Variants in KLHL13 observed in about 807,000 individuals in gnomAD.
The protein encoded by KLHL13 is kelch like family member 13, also known as kelch-like protein 13.
Under a neutral mutation model 37.1 loss-of-function variants are expected in KLHL13, and 10 were observed. That is an observed-to-expected ratio of 0.27 (90% CI 0.17 to 0.46). The LOEUF is 0.46. Among genes scored for constraint, KLHL13 ranks in the 20% least tolerant of loss-of-function variants. The pLI is 1.00. For synonymous variants in KLHL13, 163 were observed against 181.2 expected (o/e 0.90, Z 0.81); for missense variants, 360 against 509.3 (o/e 0.71, Z 2.82).
intron 1 of KLHL13, among the ~76,000 whole-genome samples, chrX:118,027,981 T>C (rs1056195465): frequency 8.9e-6 from 1 of 112,121 alleles, no homozygotes; most frequent in African/African-American, 3.2e-5. Flanking sequence ...GAAGAAGCTT[T>C]AAATATCTCA....
intron 1 of KLHL13, among the ~76,000 whole-genome samples, chrX:118,088,671 C>T (rs1179118186): frequency 8.9e-6 from 1 of 111,849 alleles, no homozygotes; most frequent in Non-Finnish European, 1.9e-5. Context: ...GGAATAGTTT[C>T]TGGTTTCAAG....
intron 2 of KLHL13, among the ~76,000 whole-genome samples, chrX:117,940,322 C>T (rs1309841782): frequency 9.0e-6 from 1 of 111,458 alleles, no homozygotes; most frequent in Non-Finnish European, 1.9e-5. Context: ...GGTACCAGTA[C>T]CATGCTGTTT....
chrX:118,061,180 T>G (rs1178519790), intron 1 of KLHL13, among the ~76,000 whole-genome samples: 1 of 111,632 alleles, frequency 9.0e-6, no homozygotes, highest in Non-Finnish European at 1.9e-5. Flanking sequence ...TTTGTGGAGG[T>G]TGTTTTTTAA....
intron 2 of KLHL13, among the ~76,000 whole-genome samples, chrX:117,930,264 G>A (rs902904894): frequency 1.1e-5 from 1 of 94,130 alleles, no homozygotes; most frequent in African/African-American, 4.2e-5. Flanking sequence ...AAGGAAGGAA[G>A]GAAGGAAGGA....
intron 1 of KLHL13, among the ~76,000 whole-genome samples, chrX:118,024,477 T>C (rs1026060941): frequency 8.9e-6 from 1 of 111,874 alleles, no homozygotes; most frequent in African/African-American, 3.2e-5. Flanking sequence ...AGCCATGGAC[T>C]GGAAGGAAAT....
intron 1 of KLHL13, among the ~76,000 whole-genome samples, chrX:118,104,260 T>A (rs2055322553): frequency 1.8e-5 from 2 of 110,542 alleles, no homozygotes; most frequent in East Asian, 5.7e-4. Context: ...ACCCCAATAC[T>A]ATGCCCCAGC....
intron 1 of KLHL13, among the ~76,000 whole-genome samples, chrX:117,982,391 C>A (rs2053672660): frequency 9.0e-6 from 1 of 111,335 alleles, no homozygotes; most frequent in African/African-American, 3.3e-5. Context: ...AAAGTCACCA[C>A]AATGAACAGT....
chrX:118,048,441 G>A (rs1415970556), intron 1 of KLHL13, among the ~76,000 whole-genome samples: 1 of 111,105 alleles, frequency 9.0e-6, no homozygotes, highest in Non-Finnish European at 1.9e-5. Flanking sequence ...ATGCAATTGT[G>A]GAAGGATACT....
intron 1 of KLHL13, among the ~76,000 whole-genome samples, chrX:118,005,220 G>T (rs779846067): frequency 9.0e-6 from 1 of 111,691 alleles, no homozygotes; most frequent in South Asian, 3.8e-4. Context: ...GATAACAACA[G>T]ATGACTGTAT....
chrX:117,972,844 C>T (rs375272627), exon 1 of KLHL13: 8 of 1,208,314 alleles, frequency 6.6e-6, no homozygotes, highest in Non-Finnish European at 9.0e-6. Context: ...CACCACGGTA[C>T]TACAATAACA....
At chrX:117,975,266 A>G (rs1422089843), upstream of KLHL13, among the ~76,000 whole-genome samples, 1 of 112,003 alleles carries the variant, frequency 8.9e-6, no homozygotes, top group Non-Finnish European at 1.9e-5. Context: ...TTTCAAACAA[A>G]TTTTCAAAAC....
At chrX:117,968,286 G>A (rs1395388867) in intron 1 of KLHL13, among the ~76,000 whole-genome samples, 1 of 112,030 alleles carries the variant, frequency 8.9e-6, no homozygotes, top group African/African-American at 3.2e-5. Flanking sequence ...GCCTTGGTGA[G>A]GTAGTGAGCC....
At chrX:117,941,861 C>T (rs995855788) in intron 2 of KLHL13, among the ~76,000 whole-genome samples, 3 of 111,340 alleles carry the variant, frequency 2.7e-5, no homozygotes, top group African/African-American at 9.8e-5. Context: ...TTAGTTATTT[C>T]TTGTCGTCTG....
intron 1 of KLHL13, among the ~76,000 whole-genome samples, chrX:118,098,571 C>T (rs2055242412): frequency 9.1e-6 from 1 of 109,974 alleles, no homozygotes; most frequent in African/African-American, 3.3e-5. Context: ...CATCCCATTA[C>T]TGGGTATATA....
At chrX:117,922,746 T>C (rs1251078016) in intron 2 of KLHL13, among the ~76,000 whole-genome samples, 1 of 111,739 alleles carries the variant, frequency 8.9e-6, no homozygotes, top group Admixed American at 9.5e-5. Flanking sequence ...CTCATATAAA[T>C]TTCAGGTTTA....
chrX:117,959,203 C>G (rs767897315), intron 1 of KLHL13, among the ~76,000 whole-genome samples: 1 of 111,956 alleles, frequency 8.9e-6, no homozygotes, highest in Non-Finnish European at 1.9e-5. Flanking sequence ...TCCAGTTTCA[C>G]GAACTTTGTT....
chrX:117,919,177 C>T (rs907739788), intron 4 of KLHL13, among the ~76,000 whole-genome samples: 1 of 111,332 alleles, frequency 9.0e-6, no homozygotes, highest in Non-Finnish European at 1.9e-5. Context: ...GCATGCACCA[C>T]CATGCACAGC....
intron 1 of KLHL13, among the ~76,000 whole-genome samples, chrX:118,040,843 C>T (rs2054499400): frequency 8.9e-6 from 1 of 112,237 alleles, no homozygotes; most frequent in African/African-American, 3.2e-5. Flanking sequence ...TACAATGGAG[C>T]TCCAATACAT....
chrX:118,038,119 T>C (rs757207209), intron 1 of KLHL13, among the ~76,000 whole-genome samples: 8 of 111,731 alleles, frequency 7.2e-5, no homozygotes, highest in Non-Finnish European at 1.1e-4. Flanking sequence ...TAACAGAAAA[T>C]TGAAAAGATT....
Sources: gnomAD v4.1 joint callset for allele counts (sites outside exome capture counted in the v4.1 genomes callset) on GRCh38, gnomAD v4.1.1 for gene constraint, MANE v1.5 for transcripts, NCBI Gene and HGNC (gene_info 2026-07-23, HGNC 2026-07-21) for gene names.